The following SCFD2 variants were observed in gnomAD, a reference collection of about 807,000 sequenced individuals.
SCFD2 encodes sec1 family domain-containing protein 2.
SCFD2 carries 54 observed loss-of-function variants against 58.9 expected under a neutral mutation model. The ratio of observed to expected loss-of-function variants is 0.92; its 90% CI spans 0.74 to 1.15. The LOEUF is 1.15. Among genes scored for constraint, SCFD2 ranks in the 50% most tolerant of loss-of-function variants. The probability of loss-of-function intolerance (pLI) is 0.00; values close to 1 mark genes in which losing one functional copy is unlikely to be tolerated. For synonymous variants in SCFD2, 321 were observed against 335.9 expected (o/e 0.96, Z 0.49); for missense variants, 805 against 836.6 (o/e 0.96, Z 0.47).
At chr4:53,233,523 T>A (rs1317796743) in intron 4 of SCFD2, among the ~76,000 whole-genome samples, 1 of 152,234 alleles carries the variant, frequency 6.6e-6, no homozygotes, top group African/African-American at 2.4e-5. Context: ...CTAACTCTGG[T>A]TTCCAGCTGG....
chr4:52,931,948 T>C (rs1340000516), intron 5 of SCFD2, among the ~76,000 whole-genome samples: 3 of 152,174 alleles, frequency 2.0e-5, no homozygotes, highest in African/African-American at 7.2e-5. Context: ...TTCTACCTGA[T>C]GCAGCTGCAG....
chr4:53,347,668 T>G lies in SCFD2; in HGVS notation c.1007+4930A>C, dbSNP rs138223483. 4.0e-3 allele frequency among the ~76,000 whole-genome samples: 606 copies of G among 152,228 alleles called. 4 individuals carry two copies. Among genetic ancestry groups the G allele is most frequent in the East Asian group, 0.028 (146 of 5,166 alleles). ...AGAGGAACTTTAAGAGCCAAAGCCCTGAGGCAGGACCCAGCACGTCCAATT... is the reference window on the plus strand; with the variant it reads ...AGAGGAACTTTAAGAGCCAAAGCCCGGAGGCAGGACCCAGCACGTCCAATT... On this transcript the variant is annotated intron_variant, in intron 2 of 8. Coordinates refer to ENST00000401642, the MANE Select transcript of SCFD2 (RefSeq NM_152540.4).
chr4:52,877,622 G>T (rs975600876), intron 8 of SCFD2, among the ~76,000 whole-genome samples: 3 of 152,190 alleles, frequency 2.0e-5, no homozygotes, highest in African/African-American at 7.2e-5. Flanking sequence ...ACAATGACAG[G>T]CTCTAGAGGG....
intron 3 of SCFD2, among the ~76,000 whole-genome samples, chr4:53,297,658 A>C (rs2149093463): frequency 6.6e-6 from 1 of 152,194 alleles, no homozygotes; most frequent in East Asian, 1.9e-4. Flanking sequence ...ATTTACATTT[A>C]AGTTTAATAT....
intron 2 of SCFD2, among the ~76,000 whole-genome samples, chr4:53,332,025 C>T (rs1733492918): frequency 6.6e-6 from 1 of 152,186 alleles, no homozygotes; most frequent in South Asian, 2.1e-4. Context: ...TTGCCACATA[C>T]ACTCTCCCAA....
intron 5 of SCFD2, among the ~76,000 whole-genome samples, chr4:53,110,255 A>T (rs912317937): frequency 1.3e-5 from 2 of 152,224 alleles, no homozygotes; most frequent in Admixed American, 6.5e-5. Flanking sequence ...GATGGATTAA[A>T]ATATTAAATG....
In SCFD2 at chr4:53,365,025, A is replaced by G. The variant is rs535668001; in HGVS notation, c.838+79T>C. 3 of 1,486,220 alleles carry G rather than the reference A, an allele frequency of 2.0e-6. No individual in the cohort carries two copies. Among genetic ancestry groups the G allele is most frequent in the Non-Finnish European group, 2.7e-6 (3 of 1,104,198 alleles). 92.1% of individuals were successfully genotyped at this position (1,486,220 alleles called of 1,614,324 possible). On this transcript the variant is annotated intron_variant, in intron 1 of 8. Coordinates refer to ENST00000401642, the MANE Select transcript of SCFD2 (RefSeq NM_152540.4). This position sits in a 1 kb window ranked among gnomAD's most constrained non-coding sequence, Gnocchi z 4.3. ...TCAATCTAATATATAATAAAAGGTC[A>G]ATAAAATATATGCTGAATCAATGAA...
At chr4:53,278,611 G>A (rs1249979227) in intron 3 of SCFD2, among the ~76,000 whole-genome samples, 9 of 151,506 alleles carry the variant, frequency 5.9e-5, no homozygotes, top group Admixed American at 2.6e-4. Flanking sequence ...TTTATGTAAC[G>A]TCACCTTCTC....
rs199926398 is a variant in SCFD2 at position 53,365,402 on chromosome 4, T to C, written c.540A>G (p.Leu180=). The C allele has an allele frequency of 7.9e-4, 1,276 of 1,614,044 alleles. 27 individuals carry two copies. In the South Asian group the frequency reaches 0.013, roughly 17 times the overall value. ...TPAFASLFPL[L]PQDVHLLNSA... ...TATTAAGGAGGTGCACATCCTGGGG[T>C]AGCAGTGGGAAAAGGGATGCAAAAG... is the stretch of plus-strand genomic sequence containing the variant. The change falls in exon 1 of 9, where the codon CTA becomes CTG. Residue 180 remains leucine, a synonymous_variant. Transcript: ENST00000401642. The surrounding 1 kb of genome is among the most constrained non-coding windows in gnomAD (Gnocchi z 4.3).
At chr4:53,325,019 C>T (rs1398140011) in intron 2 of SCFD2, among the ~76,000 whole-genome samples, 1 of 152,184 alleles carries the variant, frequency 6.6e-6, no homozygotes, top group Non-Finnish European at 1.5e-5. Flanking sequence ...AGAGAAGATA[C>T]ATATGATCCC....
intron 5 of SCFD2, among the ~76,000 whole-genome samples, chr4:53,129,569 A>AT (rs1229736985): frequency 2.0e-5 from 3 of 152,234 alleles, no homozygotes; most frequent in East Asian, 1.9e-4. Context: ...CTCTTTCAAT[A>AT]TTTTTTTGCT....
intron 5 of SCFD2, among the ~76,000 whole-genome samples, chr4:53,144,984 C>G (rs1221204229): frequency 6.6e-6 from 1 of 152,180 alleles, no homozygotes; most frequent in Non-Finnish European, 1.5e-5. Flanking sequence ...TCTGTCAGAT[C>G]AGCGGCAGCA....
At chr4:53,226,521 A>C (rs1276834809) in intron 4 of SCFD2, among the ~76,000 whole-genome samples, 1 of 152,152 alleles carries the variant, frequency 6.6e-6, no homozygotes, top group Non-Finnish European at 1.5e-5. Context: ...CAAATTATTT[A>C]AAAAATTTTT....
At chr4:52,959,867 G>T (rs1720803361) in intron 5 of SCFD2, among the ~76,000 whole-genome samples, 1 of 140,092 alleles carries the variant, frequency 7.1e-6, no homozygotes, top group African/African-American at 2.7e-5. Context: ...AGGGAGGGAG[G>T]CAGGGAGGAA....
At chr4:52,978,154 G>GGGCA (rs1396615146) in intron 5 of SCFD2, among the ~76,000 whole-genome samples, 1 of 152,120 alleles carries the variant, frequency 6.6e-6, no homozygotes, top group East Asian at 1.9e-4. Flanking sequence ...ATTGTGGAGA[G>GGGCA]GGCAGCAGGG....
At chr4:52,973,138 G>T (rs1339187414) in intron 5 of SCFD2, among the ~76,000 whole-genome samples, 1 of 152,100 alleles carries the variant, frequency 6.6e-6, no homozygotes, top group Non-Finnish European at 1.5e-5. Flanking sequence ...ACATTCAAAA[G>T]CTAGCAGAAG....
At position 52,937,348 on chromosome 4, in the gene SCFD2, C is replaced by T. The variant is rs138639716; in HGVS notation, c.1562-16478G>A. ...TTGGGGGCAAGTACAGAATCACAGA[C>T]GAAGGAGCAAGAGAGACAAGAGCAT... On this transcript the variant is annotated intron_variant, in intron 5 of 8. Coordinates refer to ENST00000401642, the MANE Select transcript of SCFD2 (RefSeq NM_152540.4). 1.6e-3 allele frequency among the ~76,000 whole-genome samples: 237 copies of T among 152,172 alleles called. 2 individuals carry two copies. The highest frequency in any genetic ancestry group is 0.01 in the Middle Eastern group (3 of 294).
intron 4 of SCFD2, among the ~76,000 whole-genome samples, chr4:53,256,100 C>T (rs1375796423): frequency 5.9e-5 from 9 of 151,330 alleles, no homozygotes; most frequent in Admixed American, 2.0e-4. Flanking sequence ...GGGTGGCTGC[C>T]GGGCGGAGAC....
intron 5 of SCFD2, among the ~76,000 whole-genome samples, chr4:52,954,855 A>G (rs768007804): frequency 2.6e-5 from 4 of 152,198 alleles, no homozygotes; most frequent in Non-Finnish European, 5.9e-5. Flanking sequence ...TAAAAGAGAC[A>G]TGGAAGAGGC....
Sources: allele counts gnomAD v4.1 joint callset (sites outside exome capture counted in the v4.1 genomes callset), GRCh38; gene constraint gnomAD v4.1.1; non-coding constraint Gnocchi (gnomAD v3.1); transcripts MANE v1.5; gene names NCBI Gene and HGNC (gene_info 2026-07-23, HGNC 2026-07-21).